CCP110: variants seen among roughly 807,000 people sequenced by gnomAD.
CCP110 encodes centriolar coiled-coil protein 110.
In CCP110, 43 loss-of-function variants were observed where a neutral mutation model predicts 105.5. That is an observed-to-expected ratio of 0.41 (90% confidence interval 0.32 to 0.53). CCP110 has a LOEUF of 0.53. Among genes scored for constraint, CCP110 ranks in the 20% least tolerant of loss-of-function variants. The probability of loss-of-function intolerance (pLI) is 0.32; values close to 1 mark genes in which losing one functional copy is unlikely to be tolerated. For missense variants in CCP110, 1,016 were observed against 1,189.1 expected (o/e 0.85, Z 2.14); for synonymous variants, 353 against 392.1 (o/e 0.90, Z 1.18).
chr16:19,529,286 A>T (rs1243360664), intron 2 of CCP110, among the ~76,000 whole-genome samples: 1 of 152,256 alleles, frequency 6.6e-6, no homozygotes, highest in Non-Finnish European at 1.5e-5. Flanking sequence ...TTAAAAATGC[A>T]TATGACTTTA....
chr16:19,536,419 T>C (rs1970059769), exon 4 of CCP110: 1 of 1,613,222 alleles, frequency 6.2e-7, no homozygotes, highest in Middle Eastern at 1.7e-4. Flanking sequence ...GTCTGAGAGG[T>C]AGTATCAACA....
chr16:19,542,774 A>T lies in CCP110; in HGVS notation c.2367+14A>T. On this transcript the variant is annotated intron_variant, in intron 7 of 14. Transcript: ENST00000381396. ...AGATGGTCTCAAGTGGGTAAACTTA[A>T]TGATACATGTCCATCTATCTATTTA... 6.2e-7 allele frequency: 1 copy of T among 1,604,924 alleles called. No individual in the cohort carries two copies. Among genetic ancestry groups the T allele is most frequent in the Non-Finnish European group, 8.5e-7 (1 of 1,171,716 alleles).
chr16:19,541,240 G>A (rs561412450), intron 5 of CCP110, among the ~76,000 whole-genome samples: 1 of 151,340 alleles, frequency 6.6e-6, no homozygotes, highest in Non-Finnish European at 1.5e-5. Flanking sequence ...TCCAGCCTGG[G>A]CAACAGAGGG....
At chr16:19,536,847 C>T (rs1970082686) in exon 4 of CCP110, 1 of 1,614,020 alleles carries the variant, frequency 6.2e-7, no homozygotes, top group Non-Finnish European at 8.5e-7. Context: ...ATAAATAACC[C>T]AATAAATGCC....
In CCP110 at chr16:19,536,894, G is replaced by T. The variant is rs1328433934; in HGVS notation, c.1225G>T (p.Asp409Tyr). The T allele has an allele frequency of 3.7e-6, 6 of 1,614,126 alleles. No homozygotes were observed. The South Asian group carries it at 5.5e-5, about 15-fold the overall frequency. The change falls in exon 4 of 15, where the codon GAC (aspartate) becomes TAC (tyrosine). Residue 409 changes from aspartate (D) to tyrosine (Y), a missense_variant. Coordinates refer to ENST00000381396, the Ensembl canonical transcript of CCP110. ...CCCTAAAGGAAAAGAACAGGCAATGGACTTAATTATTCAAGATACTGATGA... is the reference window on the plus strand; with the variant it reads ...CCCTAAAGGAAAAGAACAGGCAATGTACTTAATTATTCAAGATACTGATGA...
At chr16:19,530,891 G>GATCGCA (rs759448130) in intron 2 of CCP110, among the ~76,000 whole-genome samples, 3 of 151,952 alleles carry the variant, frequency 2.0e-5, no homozygotes, top group Admixed American at 6.6e-5. Context: ...GAGGGATCGG[G>GATCGCA]ATCGCACCAC....
exon 4 of CCP110, chr16:19,537,049 G>T: frequency 1.2e-6 from 2 of 1,614,156 alleles, no homozygotes; most frequent in Non-Finnish European, 1.7e-6. Context: ...AATCAAATCA[G>T]GTATGTCAAT....
rs1597281122 is a variant in CCP110 at position 19,548,060 on chromosome 16, T to G, written c.2900+46T>G. The G allele has an allele frequency of 1.6e-6, 2 of 1,289,490 alleles. No individual in the cohort carries two copies. The highest frequency in any genetic ancestry group is 2.3e-6 in the Non-Finnish European group (2 of 888,886). The allele number at this position is 1,289,490 out of a possible 1,614,324, so 79.9% of individuals were successfully genotyped here. On this transcript the variant is annotated intron_variant, in intron 13 of 14. Transcript: ENST00000381396. This position sits in a 1 kb window ranked among gnomAD's most constrained non-coding sequence, Gnocchi z 4.1. ...TATTGAAAACTACGGAAACCAAGAT[T>G]AGATTTGAGAGGGAAAAATAAATCT...
intron 2 of CCP110, 65 bp downstream of exon 2, chr16:19,528,087 A>G: frequency 7.4e-7 from 1 of 1,342,918 alleles, no homozygotes; most frequent in Non-Finnish European, 1.0e-6. Flanking sequence ...TTCGTGGAAA[A>G]ACAAAAGAAA....
chr16:19,539,792 G>A (rs1469465151), intron 4 of CCP110, among the ~76,000 whole-genome samples: 3 of 151,596 alleles, frequency 2.0e-5, no homozygotes, highest in Non-Finnish European at 2.9e-5. Context: ...GACCAACAGA[G>A]TGGAAATTTC....
Position 19,544,922 on chromosome 16 carries a change from T to G in CCP110, c.2586+24T>G, listed in dbSNP as rs1970410551. ...AGGTAAATACATGGATCCTGAAGGC[T>G]TTTAAGACATGGACATATTATATTT... On this transcript the variant is annotated intron_variant, in intron 9 of 14. Transcript: ENST00000381396. 8.2e-6 allele frequency: 10 copies of G among 1,226,902 alleles called. No homozygotes were observed. In the East Asian group the frequency reaches 2.3e-4, roughly 29 times the overall value. 76.0% of individuals were successfully genotyped at this position (1,226,902 alleles called of 1,614,324 possible). A position where few individuals can be genotyped will look rare whatever the true frequency, so the allele number is the denominator to read the frequency against.
At chr16:19,529,898 G>GT (rs893890680) in intron 2 of CCP110, among the ~76,000 whole-genome samples, 3 of 151,856 alleles carry the variant, frequency 2.0e-5, no homozygotes, top group African/African-American at 4.8e-5. Flanking sequence ...CTTAAAAACA[G>GT]TTTTTTTTAT....
intron 2 of CCP110, among the ~76,000 whole-genome samples, chr16:19,531,768 C>T (rs1969876427): frequency 1.3e-5 from 2 of 152,056 alleles, no homozygotes; most frequent in South Asian, 4.1e-4. Context: ...GAGTTCGAGA[C>T]CAGCCTGACC....
At position 19,540,777 on chromosome 16, in the gene CCP110, G is replaced by A. The variant is rs767043483; in HGVS notation, c.2039G>A (p.Arg680Lys). 23 of 1,613,058 alleles carry A rather than the reference G, an allele frequency of 1.4e-5. No individual in the cohort carries two copies. The highest frequency in any genetic ancestry group is 1.9e-5 in the Non-Finnish European group (22 of 1,179,664). ...GCTGAGCAGGAAAGGGAACAAGAAA[G>A]ACTGCAAAAGGTGAGGAATGTGGAG... Residue 680 changes from arginine (R) to lysine (K), a missense_variant, in exon 5 of 15, where the codon AGA (arginine) becomes AAA (lysine). Arg to Lys is a conservative substitution (Grantham distance 26, BLOSUM62 2). Transcript: ENST00000381396.
At chr16:19,550,938 T>G (rs1970617575) in intron 14 of CCP110, among the ~76,000 whole-genome samples, 1 of 152,164 alleles carries the variant, frequency 6.6e-6, no homozygotes, top group African/African-American at 2.4e-5. Context: ...TTAAGTAAAA[T>G]AACACATCAG....
intron 3 of CCP110, among the ~76,000 whole-genome samples, chr16:19,535,178 C>G (rs1401985681): frequency 2.6e-5 from 4 of 152,124 alleles, no homozygotes; most frequent in Admixed American, 2.6e-4. Flanking sequence ...CCATGCCCCG[C>G]CAGTAGTCAG....
chr16:19,533,181 T>C (rs1227095568), intron 3 of CCP110, among the ~76,000 whole-genome samples: 2 of 152,218 alleles, frequency 1.3e-5, no homozygotes, highest in East Asian at 3.8e-4. Flanking sequence ...TGGTAACATC[T>C]TTTTGTTTTT....
In CCP110 at chr16:19,532,595, G is replaced by A. The variant is rs201524953; in HGVS notation, c.270+51G>A. On this transcript the variant is annotated intron_variant, in intron 3 of 14. Coordinates refer to ENST00000381396, the Ensembl canonical transcript of CCP110. ...ATAATAAAGAAATCATAAGATAAGC[G>A]TTGATGATAATTTTTCTGAAATATA... 225 of 1,447,008 alleles carry A rather than the reference G, an allele frequency of 1.6e-4. 1 individual carries two copies. Among genetic ancestry groups the A allele is most frequent in the Non-Finnish European group, 7.7e-5 (82 of 1,068,854 alleles). 89.6% of individuals were successfully genotyped at this position (1,447,008 alleles called of 1,614,324 possible).
At chr16:19,537,127 C>A (rs758153024) in exon 4 of CCP110, 1 of 1,614,108 alleles carries the variant, frequency 6.2e-7, no homozygotes, top group East Asian at 2.2e-5. Flanking sequence ...AGTTAACATC[C>A]GATGAGAGAG....
Sources: gnomAD v4.1 joint callset for allele counts (sites outside exome capture counted in the v4.1 genomes callset) on GRCh38, gnomAD v4.1.1 for gene constraint, Gnocchi (gnomAD v3.1) non-coding constraint, MANE v1.5 for transcripts, NCBI Gene and HGNC (gene_info 2026-07-23, HGNC 2026-07-21) for gene names.